The following TBC1D1 variants were observed in gnomAD, a reference collection of about 807,000 sequenced individuals.
TBC1D1 encodes TBC1 (tre-2/USP6, BUB2, cdc16) domain family, member 1.
TBC1D1 carries 89 observed loss-of-function variants against 125.6 expected under a neutral mutation model. The ratio of observed to expected loss-of-function variants is 0.71; its 90% confidence interval spans 0.60 to 0.85. The LOEUF is 0.85. Among genes scored for constraint, TBC1D1 ranks in the 40% least tolerant of loss-of-function variants. TBC1D1 has a pLI of 0.00. For missense variants in TBC1D1, 1,377 were observed against 1,469.2 expected (o/e 0.94, Z 1.03); for synonymous variants, 565 against 564.1 (o/e 1.00, Z -0.02).
chr4:38,102,811 G>A (rs873026), intron 14 of TBC1D1, among the ~76,000 whole-genome samples, 188 bp from the exon 17 acceptor site: 35,524 of 151,372 alleles, frequency 0.23, 4,282 homozygotes, highest in Middle Eastern at 0.27. Context: ...AGCCCACAAG[G>A]TTGAGGCTGC....
At chr4:38,083,987 G>C (rs1439586167) in intron 12 of TBC1D1, among the ~76,000 whole-genome samples, 1 of 147,720 alleles carries the variant, frequency 6.8e-6, no homozygotes, top group Non-Finnish European at 1.5e-5. Flanking sequence ...GCCCAGGCTA[G>C]AGTGCAGTGG....
chr4:37,892,558 C>A (rs1457988214), intron 1 of TBC1D1, among the ~76,000 whole-genome samples: 9 of 152,106 alleles, frequency 5.9e-5, no homozygotes, highest in Admixed American at 1.3e-4. Context: ...AAAATAATTT[C>A]TTTCCTGTGG....
chr4:37,914,072 C>T (rs1469907009), intron 2 of TBC1D1, among the ~76,000 whole-genome samples: 1 of 152,152 alleles, frequency 6.6e-6, no homozygotes, highest in Non-Finnish European at 1.5e-5. Flanking sequence ...CTCTTCTTCT[C>T]AATTCTGATT....
At chr4:37,966,860 C>T (rs548926000) in intron 2 of TBC1D1, among the ~76,000 whole-genome samples, 9 of 152,126 alleles carry the variant, frequency 5.9e-5, no homozygotes, top group Non-Finnish European at 1.0e-4. Flanking sequence ...CCTAGGAATT[C>T]GGCACTTGGG....
intron 12 of TBC1D1, among the ~76,000 whole-genome samples, chr4:38,071,261 A>G (rs1316758111): frequency 6.6e-6 from 1 of 152,066 alleles, no homozygotes; most frequent in Non-Finnish European, 1.5e-5. Context: ...CACCCCTGGG[A>G]AAGAGCCCCC....
intron 2 of TBC1D1, among the ~76,000 whole-genome samples, chr4:37,985,555 G>A (rs1181268731): frequency 6.6e-6 from 1 of 152,180 alleles, no homozygotes; most frequent in East Asian, 1.9e-4. Flanking sequence ...TGTCTGAAAT[G>A]AACTTAATAT....
chr4:38,003,926 C>A (rs184283378), intron 2 of TBC1D1, among the ~76,000 whole-genome samples: 42 of 151,592 alleles, frequency 2.8e-4, no homozygotes, highest in Non-Finnish European at 5.0e-4. Flanking sequence ...AAGGTAACAG[C>A]TAGCATTTAT....
Position 38,014,298 on chromosome 4 carries a change from C to T in TBC1D1, c.418-211C>T, listed in dbSNP as rs1191250055. Among the ~76,000 whole-genome samples the T allele has an allele frequency of 6.6e-6, 1 of 152,110 alleles. No individual in the cohort carries two copies. Among genetic ancestry groups the T allele is most frequent in the Non-Finnish European group, 1.5e-5 (1 of 68,018 alleles). ...GTAAGAGGTGCTTCATAAGTGTCGTCCCCCTTCTCTTTTCTGTGGAAGCTG... is the reference window on the plus strand; with the variant it reads ...GTAAGAGGTGCTTCATAAGTGTCGTTCCCCTTCTCTTTTCTGTGGAAGCTG... On this transcript the variant is annotated intron_variant, in intron 2 of 19. Transcript: ENST00000261439. The surrounding 1 kb of genome is among the most constrained non-coding windows in gnomAD (Gnocchi z 5.1).
In TBC1D1 at chr4:38,045,913, T is replaced by G. The variant is rs765717584; in HGVS notation, c.1629+10T>G. 6.2e-7 allele frequency: 1 copy of G among 1,611,568 alleles called. No homozygotes were observed. Among genetic ancestry groups the G allele is most frequent in the Non-Finnish European group, 8.5e-7 (1 of 1,177,692 alleles). On this transcript the variant is annotated intron_variant, in intron 10 of 19. Coordinates refer to ENST00000261439, the MANE Select transcript of TBC1D1 (RefSeq NM_015173.4). ...AAGTAACACCAGCAAAGTAAGCACA[T>G]TTCTCTTTATACGACACCCTGAAGA...
At chr4:38,081,360 CCAGA>C (rs1479623631) in intron 12 of TBC1D1, among the ~76,000 whole-genome samples, 2 of 152,050 alleles carry the variant, frequency 1.3e-5, no homozygotes, top group Non-Finnish European at 2.9e-5. Context: ...GGAGAGTCAG[CCAGA>C]CAAAGAAAGG....
chr4:38,091,243 C>T (rs961452357), intron 13 of TBC1D1, among the ~76,000 whole-genome samples: 34 of 151,990 alleles, frequency 2.2e-4, no homozygotes, highest in African/African-American at 7.7e-4. Flanking sequence ...TGAAAGTAAC[C>T]CCACAGTTGG....
At chr4:38,056,393 G>A (rs1751712837) in intron 12 of TBC1D1, among the ~76,000 whole-genome samples, 2 of 152,328 alleles carry the variant, frequency 1.3e-5, no homozygotes, top group South Asian at 4.1e-4. Flanking sequence ...CCGTTGACCT[G>A]CCACTGCTCT....
chr4:38,119,101 A>C (rs779673639), intron 17 of TBC1D1, among the ~76,000 whole-genome samples: 2 of 152,216 alleles, frequency 1.3e-5, no homozygotes, highest in Non-Finnish European at 2.9e-5. Flanking sequence ...TTATATATCA[A>C]ATGTTTTTAA....
rs954522024 is a variant in TBC1D1, at chr4:38,083,772, T to C, written c.2051-6160T>C. ...CTCTTGACCTTATAAACGGCTGAAA[T>C]TCATCTTTTTTTGCTGAACTTCCAG... On this transcript the variant is annotated intron_variant, in intron 12 of 19. Transcript: ENST00000261439. 5.3e-5 allele frequency among the ~76,000 whole-genome samples: 8 copies of C among 152,244 alleles called. 1 individual carries two copies. The highest frequency in any genetic ancestry group is 5.2e-4 in the Admixed American group (8 of 15,288).
chr4:37,902,157 T>A lies in TBC1D1; in HGVS notation c.62T>A (p.Phe21Tyr), dbSNP rs376073388. 123 of 1,611,972 alleles carry A rather than the reference T, an allele frequency of 7.6e-5. No homozygotes were observed. The highest frequency in any genetic ancestry group is 9.8e-5 in the Non-Finnish European group (116 of 1,179,252). ...CTTTCTAACGAGGTCTCGGTGGATT[T>A]TGGCCTGCAGCTGGTGGGCTCCCTG... Residue 21 changes from phenylalanine to tyrosine, a missense_variant, in exon 2 of 20, where the codon TTT becomes TAT. This residue lies in a region of TBC1D1 where 822 missense variants were observed against 824.6 expected (regional missense o/e 1.00). Transcript: ENST00000261439.
At chr4:37,892,841 A>C (rs1236524352) in intron 1 of TBC1D1, among the ~76,000 whole-genome samples, 1 of 152,166 alleles carries the variant, frequency 6.6e-6, no homozygotes, top group Non-Finnish European at 1.5e-5. Context: ...TGCAACTCTG[A>C]AGCAACAGAG....
intron 15 of TBC1D1, chr4:38,110,779 A>G: frequency 1.0e-6 from 1 of 985,434 alleles, no homozygotes; most frequent in Non-Finnish European, 1.2e-6. Context: ...TCATATCCTG[A>G]TAGATTTGTA....
intron 2 of TBC1D1, among the ~76,000 whole-genome samples, chr4:37,939,764 A>G (rs1014606000): frequency 6.6e-6 from 1 of 152,182 alleles, no homozygotes; most frequent in Non-Finnish European, 1.5e-5. Context: ...TCCCAGCACC[A>G]TTTATTAAAT....
At chr4:38,023,755 A>G (rs1203588070) in intron 6 of TBC1D1, among the ~76,000 whole-genome samples, 1 of 152,158 alleles carries the variant, frequency 6.6e-6, no homozygotes, top group Admixed American at 6.5e-5. Context: ...TGACTGTTGT[A>G]CTAATAATGC....
Sources: allele counts gnomAD v4.1 joint callset (sites outside exome capture counted in the v4.1 genomes callset), GRCh38; gene constraint gnomAD v4.1.1; regional missense constraint gnomAD v4.1.1; non-coding constraint Gnocchi (gnomAD v3.1); transcripts MANE v1.5; gene names NCBI Gene and HGNC (gene_info 2026-07-23, HGNC 2026-07-21).